The following DLGAP1 variants were observed in gnomAD, a reference collection of about 807,000 sequenced individuals.
DLGAP1 encodes the protein DLG associated protein 1, also known as disks large-associated protein 1.
Under a neutral mutation model 90.8 loss-of-function variants are expected in DLGAP1, and 11 were observed. The ratio of observed to expected loss-of-function variants is 0.12; its 90% CI spans 0.08 to 0.20. The LOEUF is 0.20. Ranked by LOEUF, DLGAP1 falls within the 10% of genes least tolerant of loss-of-function variation. The probability of loss-of-function intolerance (pLI) is 1.00; values close to 1 mark genes in which losing one functional copy is unlikely to be tolerated. For synonymous variants in DLGAP1, 558 were observed against 540.7 expected (o/e 1.03, Z -0.44); for missense variants, 1,050 against 1,333.8 (o/e 0.79, Z 3.31).
chr18:4,304,669 G>A (rs938246035), intron 1 of DLGAP1, among the ~76,000 whole-genome samples: 7 of 152,302 alleles, frequency 4.6e-5, no homozygotes, highest in African/African-American at 9.6e-5. Flanking sequence ...GGTGGCTCAC[G>A]CCTGTAATCC....
At position 4,198,255 on chromosome 18, in the gene DLGAP1, T is replaced by C. The variant is rs182837113; in HGVS notation, c.-266-46968A>G. ...ATAAATAAATAAATGAAATAAATAA[T>C]AACAATAATAAAAACACCTATCATT... On this transcript the variant is annotated intron_variant, in intron 1 of 12. Transcript: ENST00000315677. Among the ~76,000 whole-genome samples, 7 of 151,988 alleles carry C rather than the reference T, an allele frequency of 4.6e-5. No homozygotes were observed. In the East Asian group the frequency reaches 1.4e-3, roughly 29 times the overall value.
chr18:4,421,231 T>C (rs979045776), intron 1 of DLGAP1, among the ~76,000 whole-genome samples: 1 of 152,144 alleles, frequency 6.6e-6, no homozygotes, highest in Admixed American at 6.6e-5. Flanking sequence ...TGGCTGTCAG[T>C]ATTCCTTGGC....
At chr18:4,077,014 G>A (rs2075534022) in intron 2 of DLGAP1, among the ~76,000 whole-genome samples, 1 of 152,178 alleles carries the variant, frequency 6.6e-6, no homozygotes, top group Non-Finnish European at 1.5e-5. Context: ...CTCTACTAGA[G>A]CAGGGACCTG....
chr18:3,952,217 A>G (rs1211625031), intron 3 of DLGAP1, among the ~76,000 whole-genome samples: 1 of 152,190 alleles, frequency 6.6e-6, no homozygotes, highest in Non-Finnish European at 1.5e-5. Flanking sequence ...AGAAAAAAGC[A>G]TTTCCCCTCC....
At chr18:4,106,676 A>G (rs938020337) in intron 2 of DLGAP1, among the ~76,000 whole-genome samples, 3 of 152,252 alleles carry the variant, frequency 2.0e-5, no homozygotes, top group Non-Finnish European at 2.9e-5. Context: ...AGACCAAAAC[A>G]CAAACCAGAA....
intron 2 of DLGAP1, among the ~76,000 whole-genome samples, chr18:4,085,167 G>C (rs1220918381): frequency 6.6e-6 from 1 of 152,064 alleles, no homozygotes; most frequent in Admixed American, 6.6e-5. Flanking sequence ...AAATAAAAAA[G>C]GTAAGGGGAA....
At chr18:4,159,031 TTACTTTCTGC>T (rs1274999512) in intron 1 of DLGAP1, among the ~76,000 whole-genome samples, 1 of 152,208 alleles carries the variant, frequency 6.6e-6, no homozygotes, top group Non-Finnish European at 1.5e-5. Context: ...AAACTTCATA[TTACTTTCTGC>T]TAAGAAGGCC....
At chr18:3,791,616 A>T (rs2065738199) in intron 5 of DLGAP1, among the ~76,000 whole-genome samples, 1 of 152,202 alleles carries the variant, frequency 6.6e-6, no homozygotes, top group Non-Finnish European at 1.5e-5. Context: ...TTTACTTAGG[A>T]GTCAATGATA....
intron 7 of DLGAP1, among the ~76,000 whole-genome samples, chr18:3,723,339 T>C (rs2062044135): frequency 6.6e-6 from 1 of 152,216 alleles, no homozygotes; most frequent in Admixed American, 6.5e-5. Flanking sequence ...AGTTTGTTTA[T>C]AACTGCTAAT....
chr18:4,258,303 C>T (rs115512093), intron 1 of DLGAP1, among the ~76,000 whole-genome samples: 1,681 of 151,926 alleles, frequency 0.011, 19 homozygotes, highest in Middle Eastern at 0.041. Flanking sequence ...CTGGGCCTCC[C>T]AAAGTGCTGA....
intron 3 of DLGAP1, among the ~76,000 whole-genome samples, chr18:3,931,178 C>T (rs962672795): frequency 1.4e-4 from 22 of 152,190 alleles, no homozygotes; most frequent in Non-Finnish European, 2.6e-4. Context: ...CCTTCAGCTT[C>T]TCGCCGGCAT....
Position 3,625,286 on chromosome 18 carries a change from C to T in DLGAP1, c.1592-43038G>A, listed in dbSNP as rs2058250852. ...GGTGGCCAAGATCTCTGTGCAGTTG[C>T]ACAGACAGTTTCTGTCCTCCCACCC... On this transcript the variant is annotated intron_variant, in intron 7 of 12. Transcript: ENST00000315677. 2.0e-5 allele frequency among the ~76,000 whole-genome samples: 3 copies of T among 152,154 alleles called. No homozygotes were observed. In the East Asian group the frequency reaches 5.8e-4, roughly 29 times the overall value.
chr18:4,261,265 G>A (rs2078997255), intron 1 of DLGAP1, among the ~76,000 whole-genome samples: 1 of 152,170 alleles, frequency 6.6e-6, no homozygotes, highest in South Asian at 2.1e-4. Flanking sequence ...CTCTATGCCT[G>A]CCTTGATCCC....
intron 4 of DLGAP1, among the ~76,000 whole-genome samples, chr18:3,877,971 G>T (rs1225544464): frequency 6.6e-6 from 1 of 152,160 alleles, no homozygotes; most frequent in African/African-American, 2.4e-5. Flanking sequence ...CACTGCCCTT[G>T]TCCAGGGATT....
intron 7 of DLGAP1, among the ~76,000 whole-genome samples, chr18:3,609,979 A>T (rs75548596): frequency 8.9e-6 from 1 of 112,438 alleles, no homozygotes. Flanking sequence ...AATTGCTTGA[A>T]CCTGGGAGGC....
chr18:3,706,277 C>T (rs1474389674), intron 7 of DLGAP1, among the ~76,000 whole-genome samples: 4 of 152,298 alleles, frequency 2.6e-5, no homozygotes, highest in Non-Finnish European at 5.9e-5. Context: ...GGATTACAGG[C>T]GTGAGCCACC....
At chr18:4,121,855 G>C (rs1598436050) in intron 2 of DLGAP1, among the ~76,000 whole-genome samples, 1 of 152,148 alleles carries the variant, frequency 6.6e-6, no homozygotes, top group Non-Finnish European at 1.5e-5. Context: ...CATTTACTGA[G>C]AGTTTGCTGT....
At chr18:3,911,743 C>G (rs530273742) in intron 3 of DLGAP1, among the ~76,000 whole-genome samples, 1 of 152,332 alleles carries the variant, frequency 6.6e-6, no homozygotes, top group South Asian at 2.1e-4. Flanking sequence ...AGACTTGATT[C>G]CTTTTACTGA....
At chr18:4,135,014 C>T (rs968166866) in intron 2 of DLGAP1, among the ~76,000 whole-genome samples, 24 of 151,878 alleles carry the variant, frequency 1.6e-4, no homozygotes, top group Admixed American at 1.5e-3. Flanking sequence ...AATAGTGTGG[C>T]CGGAAACTGA....
Sources: gnomAD v4.1 joint callset for allele counts (sites outside exome capture counted in the v4.1 genomes callset) on GRCh38, gnomAD v4.1.1 for gene constraint, MANE v1.5 for transcripts, NCBI Gene and HGNC (gene_info 2026-07-23, HGNC 2026-07-21) for gene names.